The following ISOC2 variants were observed in gnomAD, a reference collection of about 807,000 sequenced individuals.
ISOC2 encodes the protein isochorismatase domain-containing protein 2.
ISOC2 carries 15 observed loss-of-function variants against 19.3 expected under a neutral mutation model. The observed-to-expected ratio is 0.78, with a 90% CI of 0.52 to 1.20. The LOEUF (loss-of-function observed/expected upper bound fraction) is 1.20, where lower values mean the gene tolerates loss of function less well. Among genes scored for constraint, ISOC2 ranks in the 50% most tolerant of loss-of-function variants. The pLI, the probability that ISOC2 is intolerant of heterozygous loss-of-function variation, is 0.00. For missense variants in ISOC2, 285 were observed against 272.4 expected, an observed-to-expected ratio of 1.05 and a Z score of -0.33; for synonymous variants, 106 against 115.8, an observed-to-expected ratio of 0.92 and a Z score of 0.54.
At chr19:55,461,141 G>A (rs1331067780) in intron 1 of ISOC2, among the ~76,000 whole-genome samples, 1 of 151,992 alleles carries the variant, frequency 6.6e-6, no homozygotes, top group East Asian at 1.9e-4. Context: ...AGGGGGCGTG[G>A]CTGGAGGTGG....
chr19:55,459,138 T>C (rs1986157891), intron 1 of ISOC2, among the ~76,000 whole-genome samples: 1 of 151,988 alleles, frequency 6.6e-6, no homozygotes, highest in African/African-American at 2.4e-5. Flanking sequence ...GGTCTTCCTA[T>C]GTTGCCCAGG....
rs1986027225 is a variant in ISOC2, at chr19:55,455,618, G to A, written c.348+18C>T. 13 of 1,562,904 alleles carry A rather than the reference G, an allele frequency of 8.3e-6. No homozygotes were observed. The highest frequency in any genetic ancestry group is 1.1e-5 in the Non-Finnish European group (13 of 1,149,188). The stretch of plus-strand genomic sequence containing the variant: ...CCAGGTTAGAACGAGGGACCCCTGG[G>A]GTCAGTCAGCATCTCACCAAGATGC... On this transcript the variant is annotated intron_variant, in intron 3 of 5. Coordinates refer to ENST00000425675, the MANE Select transcript of ISOC2 (RefSeq NM_001136201.2).
intron 1 of ISOC2, among the ~76,000 whole-genome samples, chr19:55,458,158 G>A (rs142000424): frequency 2.0e-5 from 3 of 152,240 alleles, no homozygotes; most frequent in Non-Finnish European, 4.4e-5. Flanking sequence ...AGGAAACCTC[G>A]ACCCAGAGGG....
Position 55,453,220 on chromosome 19 carries a change from A to T in ISOC2, c.*88T>A. On this transcript the variant is annotated 3_prime_UTR_variant, in exon 6 of 6. Transcript: ENST00000425675. ...GGCGGCACTCCTGGTGGATCGCACC[A>T]CTCTTGGGATCCAGGGATGGGGGGA... The T allele has an allele frequency of 2.1e-6, 2 of 936,796 alleles. No individual in the cohort carries two copies. The highest frequency in any genetic ancestry group is 3.2e-6 in the Non-Finnish European group (2 of 631,476). 58.0% of individuals were successfully genotyped at this position (936,796 alleles called of 1,614,324 possible).
intron 1 of ISOC2, chr19:55,457,019 C>T (rs1227989756): frequency 6.4e-6 from 1 of 156,704 alleles, no homozygotes; most frequent in East Asian, 1.9e-4. Flanking sequence ...GGAGGCTCTG[C>T]TGGGCGTCCT....
chr19:55,456,301 G>A (rs1294741330), intron 2 of ISOC2, 48 bp downstream of exon 2: 1 of 1,413,676 alleles, frequency 7.1e-7, no homozygotes, highest in African/African-American at 1.4e-5. Context: ...TGAGGGTGGA[G>A]GGCTGAGCCT....
chr19:55,459,090 C>T (rs1192147387), intron 1 of ISOC2, among the ~76,000 whole-genome samples: 1 of 152,050 alleles, frequency 6.6e-6, no homozygotes, highest in Non-Finnish European at 1.5e-5. Flanking sequence ...TGCCACCACA[C>T]CTGGCTAATT....
intron 5 of ISOC2, chr19:55,453,916 G>A (rs1346505162): frequency 6.6e-6 from 1 of 152,128 alleles, no homozygotes; most frequent in Admixed American, 6.6e-5. Flanking sequence ...CCGCTTGCCT[G>A]GGCGCCCAAA....
chr19:55,456,428 AG>A lies in ISOC2; in HGVS notation c.58del (p.Leu20CysfsTer38). 1 of 1,613,756 alleles carries A rather than the reference AG, an allele frequency of 6.2e-7. No homozygotes were observed. The highest frequency in any genetic ancestry group is 8.5e-7 in the Non-Finnish European group (1 of 1,179,840). On this transcript the variant is annotated frameshift_variant, in exon 2 of 6. Transcript: ENST00000425675. LOFTEE classifies it high-confidence loss of function. ...RVLPGSSVLF[L>X]CDMQEKFRHN... is the part of the protein sequence containing the mutation. ...GCGGAACTTCTCCTGCATGTCACAC[AG>A]GAACAGGACAGAGGATCCTGGGAGG...
chr19:55,453,906 C>T (rs1458118624), intron 5 of ISOC2: 1 of 152,398 alleles, frequency 6.6e-6, no homozygotes, highest in Non-Finnish European at 1.5e-5. Flanking sequence ...TGCCTCATCA[C>T]CGCTTGCCTG....
intron 1 of ISOC2, among the ~76,000 whole-genome samples, chr19:55,458,667 A>G (rs1986142030): frequency 2.0e-5 from 3 of 151,454 alleles, no homozygotes; most frequent in Admixed American, 2.0e-4. Context: ...AGCTGGGATT[A>G]CAGGCTTGTG....
chr19:55,456,625 C>G, intron 1 of ISOC2, 136 bp from the exon 2 acceptor site: 5 of 1,084,912 alleles, frequency 4.6e-6, no homozygotes, highest in Non-Finnish European at 6.5e-6. Flanking sequence ...CTCAAGGTCT[C>G]TGTGTCTGCT....
rs1328947769 is a variant in ISOC2, at chr19:55,453,146, G to A, written c.*162C>T. 1 of 522,816 alleles carries A rather than the reference G, an allele frequency of 1.9e-6. No individual in the cohort carries two copies. The highest frequency in any genetic ancestry group is 3.4e-5 in the East Asian group (1 of 29,198). The allele number at this position is 522,816 out of a possible 1,614,324, so 32.4% of individuals were successfully genotyped here. ...TTCCAGGAGTCTCATTTGCATTTCC[G>A]GGAGCAGCTGTCCAATGGGAAGGCA... On this transcript the variant is annotated 3_prime_UTR_variant, in exon 6 of 6. Coordinates refer to ENST00000425675, the MANE Select transcript of ISOC2 (RefSeq NM_001136201.2).
intron 1 of ISOC2, among the ~76,000 whole-genome samples, chr19:55,457,675 C>A (rs1380904245): frequency 6.6e-6 from 1 of 151,488 alleles, no homozygotes; most frequent in Non-Finnish European, 1.5e-5. Flanking sequence ...CTAAAAATAC[C>A]AAAAATCAGC....
chr19:55,457,887 C>A (rs944201586), intron 1 of ISOC2, among the ~76,000 whole-genome samples: 1 of 150,568 alleles, frequency 6.6e-6, no homozygotes, highest in South Asian at 2.1e-4. Context: ...GGGCTGTGGC[C>A]GGGAGGAATT....
At chr19:55,459,960 T>TGTGGGTCA (rs1169200746) in intron 1 of ISOC2, 1 of 151,988 alleles carries the variant, frequency 6.6e-6, no homozygotes, top group African/African-American at 2.4e-5. Flanking sequence ...CTGGTAGGAG[T>TGTGGGTCA]GTGGGTCACA....
intron 1 of ISOC2, among the ~76,000 whole-genome samples, chr19:55,457,846 A>G (rs1262098588): frequency 4.6e-5 from 7 of 151,088 alleles, no homozygotes; most frequent in East Asian, 3.9e-4. Flanking sequence ...AAAAAAAAAA[A>G]AGAGAAAGAA....
At chr19:55,454,761 G>A in intron 5 of ISOC2, 1 of 573,068 alleles carries the variant, frequency 1.7e-6, no homozygotes, top group African/African-American at 1.9e-5. Context: ...TCTGTGCCCT[G>A]ACCCTCTGGA....
chr19:55,459,167 G>C (rs1394387766), intron 1 of ISOC2, among the ~76,000 whole-genome samples: 2 of 151,810 alleles, frequency 1.3e-5, no homozygotes, highest in Non-Finnish European at 2.9e-5. Flanking sequence ...GAACTCCTGG[G>C]TTCAAGCGAA....
Sources: gnomAD v4.1 joint callset for allele counts (sites outside exome capture counted in the v4.1 genomes callset) on GRCh38, gnomAD v4.1.1 for gene constraint, MANE v1.5 for transcripts, NCBI Gene and HGNC (gene_info 2026-07-23, HGNC 2026-07-21) for gene names.